Variants in NBEAL1 observed in about 807,000 individuals in gnomAD.
The protein encoded by NBEAL1 is neurobeachin like 1.
NBEAL1 carries 273 observed loss-of-function variants against 351.3 expected under a neutral mutation model. The observed-to-expected ratio is 0.78, with a 90% confidence interval of 0.70 to 0.86. NBEAL1 has a LOEUF of 0.86. Ranked by LOEUF, NBEAL1 falls within the 40% of genes least tolerant of loss-of-function variation. NBEAL1 has a pLI of 0.00. For synonymous variants in NBEAL1, 1,050 were observed against 1,086.4 expected (o/e 0.97, Z 0.66); for missense variants, 2,961 against 3,201.3 (o/e 0.92, Z 1.81).
intron 42 of NBEAL1, among the ~76,000 whole-genome samples, chr2:203,176,668 G>A (rs971948867): frequency 4.0e-5 from 6 of 150,256 alleles, no homozygotes; most frequent in African/African-American, 1.5e-4. Flanking sequence ...GGAGGCGGAG[G>A]TTGCAGTGAG....
At chr2:203,145,844 T>A (rs2106340338) in intron 33 of NBEAL1, among the ~76,000 whole-genome samples, 1 of 146,582 alleles carries the variant, frequency 6.8e-6, no homozygotes, top group South Asian at 2.2e-4. Context: ...ACAGAATTAA[T>A]CCATATCCTT....
intron 10 of NBEAL1, among the ~76,000 whole-genome samples, chr2:203,091,486 G>A (rs569752546): frequency 5.3e-5 from 8 of 152,226 alleles, no homozygotes; most frequent in African/African-American, 1.9e-4. Flanking sequence ...TATATACCCA[G>A]AAGTAGGATT....
At chr2:203,067,323 CACACA>C (rs1162649870) in intron 6 of NBEAL1, among the ~76,000 whole-genome samples, 1 of 152,152 alleles carries the variant, frequency 6.6e-6, no homozygotes, top group African/African-American at 2.4e-5. Flanking sequence ...TTCTGCCTTC[CACACA>C]CTGGAAATAG....
intron 6 of NBEAL1, 105 bp downstream of exon 6, chr2:203,057,558 A>G (rs2061424256): frequency 1.1e-6 from 1 of 887,486 alleles, no homozygotes; most frequent in East Asian, 2.7e-5. Context: ...AGAAGTATAT[A>G]AGACCCACAG....
chr2:203,107,919 A>G lies in NBEAL1; in HGVS notation c.1680A>G (p.Leu560=), dbSNP rs1201510302. 8.4e-6 allele frequency: 13 copies of G among 1,553,692 alleles called. No individual in the cohort carries two copies. Among genetic ancestry groups the G allele is most frequent in the South Asian group, 4.7e-5 (4 of 84,244 alleles). Reference sequence around the variant, plus strand: ...TGAGCTCAGAAGAAATCCGTCGACTACTGAGATTGCTGAGAGTGGATGAAT... The same window carrying G: ...TGAGCTCAGAAGAAATCCGTCGACTGCTGAGATTGCTGAGAGTGGATGAAT... ...QSVSSEEIRR[L]LRLLRVDESE... Residue 560 remains leucine (L), a synonymous_variant, in exon 14 of 56, where the codon CTA becomes CTG. Coordinates refer to ENST00000683969, the MANE Select transcript of NBEAL1 (RefSeq NM_001378026.1).
chr2:203,211,232 T>A, intron 54 of NBEAL1, 126 bp downstream of exon 54: 1 of 624,332 alleles, frequency 1.6e-6, no homozygotes, highest in Non-Finnish European at 2.4e-6. Flanking sequence ...GTTTCTCTTT[T>A]AGCAAGTATA....
chr2:203,057,808 A>AT (rs942163094), intron 6 of NBEAL1, among the ~76,000 whole-genome samples: 41 of 145,950 alleles, frequency 2.8e-4, no homozygotes, highest in African/African-American at 8.8e-4. Flanking sequence ...TATTTTGTCC[A>AT]TTTTTTTTCT....
At chr2:203,147,947 T>TA (rs1312155995) in intron 33 of NBEAL1, among the ~76,000 whole-genome samples, 1 of 152,018 alleles carries the variant, frequency 6.6e-6, no homozygotes, top group Non-Finnish European at 1.5e-5. Flanking sequence ...TTTCTAGAAA[T>TA]ACCTAATTTA....
At chr2:203,131,566 A>G (rs867438097) in intron 25 of NBEAL1, among the ~76,000 whole-genome samples, 3 of 152,134 alleles carry the variant, frequency 2.0e-5, no homozygotes, top group South Asian at 4.1e-4. Flanking sequence ...GGGAGTGCCT[A>G]TTCTTTTATG....
chr2:203,114,745 G>T (rs2062651275), intron 17 of NBEAL1, among the ~76,000 whole-genome samples: 2 of 150,430 alleles, frequency 1.3e-5, no homozygotes. Context: ...TCTTTTCTTT[G>T]TTTTTTTTTG....
intron 55 of NBEAL1, 40 bp from the exon 56 acceptor site, chr2:203,217,213 T>A: frequency 7.0e-7 from 1 of 1,424,322 alleles, no homozygotes; most frequent in Non-Finnish European, 9.3e-7. Flanking sequence ...TAATTTTTTC[T>A]TAATATTTAT....
intron 4 of NBEAL1, among the ~76,000 whole-genome samples, chr2:203,051,766 G>A (rs2061327401): frequency 6.6e-6 from 1 of 151,974 alleles, no homozygotes; most frequent in South Asian, 2.1e-4. Context: ...AAATTTTTTG[G>A]GTAGTAGATA....
chr2:203,087,505 G>T (rs548735081), intron 10 of NBEAL1, among the ~76,000 whole-genome samples: 1 of 152,244 alleles, frequency 6.6e-6, no homozygotes, highest in South Asian at 2.1e-4. Context: ...AAATATTCTA[G>T]TGATTTTTAA....
chr2:203,025,534 G>T (rs1487287209), intron 2 of NBEAL1, among the ~76,000 whole-genome samples: 1 of 152,100 alleles, frequency 6.6e-6, no homozygotes, highest in African/African-American at 2.4e-5. Flanking sequence ...AAAGAATTGG[G>T]ACCAAAGATC....
rs572052369 is a variant in NBEAL1, at chr2:203,021,095, T to G, written c.51+4660T>G. On this transcript the variant is annotated intron_variant, in intron 2 of 55. Coordinates refer to ENST00000683969, the MANE Select transcript of NBEAL1 (RefSeq NM_001378026.1). ...GCACATGCCACCAGGCCCAGCTAAATTTTTGTATTTTTAGTAGTGACGGGG... is the reference window on the plus strand; with the variant it reads ...GCACATGCCACCAGGCCCAGCTAAAGTTTTGTATTTTTAGTAGTGACGGGG... Among the ~76,000 whole-genome samples the G allele has an allele frequency of 9.1e-4, 139 of 152,122 alleles. 1 individual carries two copies. The highest frequency in any genetic ancestry group is 1.9e-3 in the Admixed American group (29 of 15,292).
chr2:203,089,872 C>G (rs2062032376), intron 10 of NBEAL1, among the ~76,000 whole-genome samples: 1 of 152,144 alleles, frequency 6.6e-6, no homozygotes, highest in African/African-American at 2.4e-5. Flanking sequence ...CTGCTTTTGT[C>G]TCTTTTTTGA....
intron 49 of NBEAL1, among the ~76,000 whole-genome samples, chr2:203,200,967 T>TGAAA (rs2065381035): frequency 1.3e-5 from 2 of 152,232 alleles, no homozygotes; most frequent in Admixed American, 6.5e-5. Flanking sequence ...TAGCCCTCAT[T>TGAAA]TTCTATATAC....
intron 2 of NBEAL1, among the ~76,000 whole-genome samples, chr2:203,028,129 ACCTCAGCCT>A (rs1192974873): frequency 1.3e-5 from 2 of 151,254 alleles, no homozygotes; most frequent in African/African-American, 4.9e-5. Flanking sequence ...TGATCTGCCC[ACCTCAGCCT>A]CCCAAAGTGC....
intron 2 of NBEAL1, among the ~76,000 whole-genome samples, chr2:203,038,075 T>G (rs1469281500): frequency 2.0e-5 from 3 of 149,564 alleles, no homozygotes; most frequent in East Asian, 3.8e-4. Context: ...TAAGTATCAA[T>G]AGTTCATTTT....
Sources: gnomAD v4.1 joint callset for allele counts (sites outside exome capture counted in the v4.1 genomes callset) on GRCh38, gnomAD v4.1.1 for gene constraint, MANE v1.5 for transcripts, NCBI Gene and HGNC (gene_info 2026-07-23, HGNC 2026-07-21) for gene names.